Variants in ELF2 observed in about 807,000 individuals in gnomAD.
The protein encoded by ELF2 is ETS-related transcription factor Elf-2.
ELF2 carries 11 observed loss-of-function variants against 54.8 expected under a neutral mutation model. The ratio of observed to expected loss-of-function variants is 0.20; its 90% confidence interval spans 0.13 to 0.33. ELF2 has a LOEUF of 0.33. ELF2 is among the 10% of genes least tolerant of loss of function. The pLI, the probability that ELF2 is intolerant of heterozygous loss-of-function variation, is 1.00. For synonymous variants in ELF2, 203 were observed against 245.1 expected, an observed-to-expected ratio of 0.83 and a Z score of 1.61; for missense variants, 513 against 703.0, an observed-to-expected ratio of 0.73 and a Z score of 3.06.
intron 3 of ELF2, among the ~76,000 whole-genome samples, chr4:139,133,994 T>G (rs1737832160): frequency 6.6e-6 from 1 of 152,218 alleles, no homozygotes; most frequent in Non-Finnish European, 1.5e-5. Context: ...TTATTTTTCT[T>G]GCTGCCTTGT....
At chr4:139,173,711 T>C (rs1285079120) in intron 1 of ELF2, among the ~76,000 whole-genome samples, 1 of 143,618 alleles carries the variant, frequency 7.0e-6, no homozygotes, top group African/African-American at 2.6e-5. Flanking sequence ...TGAGCTGAGA[T>C]CGTGCCACTG....
chr4:139,151,391 G>A (rs2148885999), intron 1 of ELF2, among the ~76,000 whole-genome samples: 1 of 152,278 alleles, frequency 6.6e-6, no homozygotes, highest in African/African-American at 2.4e-5. Flanking sequence ...AAACAAGGCT[G>A]AAAATCAAGA....
At chr4:139,064,116 C>CT (rs1296323005) in intron 7 of ELF2, among the ~76,000 whole-genome samples, 2 of 152,104 alleles carry the variant, frequency 1.3e-5, no homozygotes, top group Non-Finnish European at 2.9e-5. Context: ...CATGACCAGC[C>CT]TGGCCAACAT....
intron 1 of ELF2, among the ~76,000 whole-genome samples, chr4:139,170,729 T>TATG (rs1553978365): frequency 4.1e-5 from 6 of 147,592 alleles, no homozygotes; most frequent in African/African-American, 7.4e-5. Context: ...TATATTATAT[T>TATG]ATATTATATT....
Position 139,060,602 on chromosome 4 carries a change from C to T in ELF2, c.879G>A (p.Pro293=), listed in dbSNP as rs774575768. The T allele has an allele frequency of 5.0e-6, 8 of 1,613,716 alleles. No individual in the cohort carries two copies. The highest frequency in any genetic ancestry group is 3.3e-5 in the Admixed American group (2 of 59,998). ...QRLVYQFKDM[P]KNIVVIDDDK... ...CATCATCTATGACCACTATGTTTTT[C>T]GGCATATCCTTGAACTGATATACAA... The change falls in exon 9 of 10, where the codon CCG becomes CCA. Residue 293 remains proline, a synonymous_variant. Coordinates refer to ENST00000686138, the MANE Select transcript of ELF2 (RefSeq NM_001331036.3).
intron 4 of ELF2, among the ~76,000 whole-genome samples, chr4:139,106,546 G>A (rs1488995987): frequency 1.3e-5 from 2 of 151,736 alleles, no homozygotes; most frequent in African/African-American, 4.8e-5. Context: ...ATAAATCACA[G>A]ATATTTTCAT....
chr4:139,170,728 T>TTA (rs1553978347), intron 1 of ELF2, among the ~76,000 whole-genome samples: 2 of 145,980 alleles, frequency 1.4e-5, no homozygotes, highest in Non-Finnish European at 3.0e-5. Context: ...TTATATTATA[T>TTA]TATATTATAT....
At chr4:139,114,561 T>TCCAGTCA (rs70940492) in intron 4 of ELF2, among the ~76,000 whole-genome samples, 1 of 108,636 alleles carries the variant, frequency 9.2e-6, no homozygotes, top group African/African-American at 3.6e-5. Flanking sequence ...GACTTCAGTC[T>TCCAGTCA]CACACACACA....
At chr4:139,156,502 T>A (rs533666922) in intron 1 of ELF2, among the ~76,000 whole-genome samples, 1 of 152,076 alleles carries the variant, frequency 6.6e-6, no homozygotes, top group African/African-American at 2.4e-5. Context: ...TATTCTTGTG[T>A]GGTATACACA....
intron 1 of ELF2, among the ~76,000 whole-genome samples, chr4:139,151,535 T>C (rs531176834): frequency 4.4e-4 from 67 of 152,264 alleles, no homozygotes; most frequent in African/African-American, 1.6e-3. Context: ...CTGATGCGAG[T>C]TCTTGTCAAG....
At chr4:139,112,325 T>A (rs919491774) in intron 4 of ELF2, among the ~76,000 whole-genome samples, 1 of 152,208 alleles carries the variant, frequency 6.6e-6, no homozygotes, top group Non-Finnish European at 1.5e-5. Context: ...TTTTAATTAA[T>A]CCTATCATAA....
rs113023095 is a variant in ELF2 at position 139,168,885 on chromosome 4, T to C, written c.-252+8082A>G. On this transcript the variant is annotated intron_variant, in intron 1 of 9. Coordinates refer to ENST00000686138, the MANE Select transcript of ELF2 (RefSeq NM_001331036.3). ...GCCTGGGTCCAAAGAAAGATTTTGA[T>C]CAAAAGGGGGAAAAGTGAAAGTTGT... 9.3e-3 allele frequency among the ~76,000 whole-genome samples: 1,413 copies of C among 151,836 alleles called. 21 individuals carry two copies. Among genetic ancestry groups the C allele is most frequent in the Non-Finnish European group, 0.011 (760 of 67,966 alleles).
At chr4:139,170,912 A>G (rs550369659) in intron 1 of ELF2, among the ~76,000 whole-genome samples, 2 of 151,858 alleles carry the variant, frequency 1.3e-5, no homozygotes, top group South Asian at 4.1e-4. Context: ...CCTCCGGCTA[A>G]TTTTTGTATT....
At chr4:139,074,104 G>C (rs1729925511) in intron 4 of ELF2, among the ~76,000 whole-genome samples, 1 of 152,106 alleles carries the variant, frequency 6.6e-6, no homozygotes, top group African/African-American at 2.4e-5. Context: ...CTCCAGCCTG[G>C]GCGACAGAGT....
intron 4 of ELF2, among the ~76,000 whole-genome samples, chr4:139,096,099 A>C (rs192220498): frequency 9.8e-4 from 150 of 152,310 alleles, no homozygotes; most frequent in Admixed American, 2.6e-3. Flanking sequence ...CAACAGAACA[A>C]GACTCTGTCA....
At chr4:139,132,878 T>A (rs988638961) in intron 3 of ELF2, among the ~76,000 whole-genome samples, 3 of 136,158 alleles carry the variant, frequency 2.2e-5, no homozygotes, top group Non-Finnish European at 3.1e-5. Context: ...ATATATAAAA[T>A]ATGTAATTTT....
chr4:139,091,620 A>AGTACACACAG (rs1175142323), intron 4 of ELF2, among the ~76,000 whole-genome samples: 1 of 151,798 alleles, frequency 6.6e-6, no homozygotes, highest in Admixed American at 6.6e-5. Context: ...AGTAGCTGGG[A>AGTACACACAG]CTCCAGGTGT....
intron 1 of ELF2, among the ~76,000 whole-genome samples, chr4:139,172,417 T>C (rs530055068): frequency 2.0e-5 from 3 of 152,314 alleles, no homozygotes; most frequent in East Asian, 3.9e-4. Context: ...GCCTCGGCCA[T>C]GAATCATCCC....
intron 3 of ELF2, among the ~76,000 whole-genome samples, chr4:139,128,352 G>A (rs1437433653): frequency 6.6e-6 from 1 of 151,872 alleles, no homozygotes; most frequent in Admixed American, 6.6e-5. Flanking sequence ...GAAGTTAAAA[G>A]GCAACAAGTC....
Sources: allele counts gnomAD v4.1 joint callset (sites outside exome capture counted in the v4.1 genomes callset), GRCh38; gene constraint gnomAD v4.1.1; transcripts MANE v1.5; gene names NCBI Gene and HGNC (gene_info 2026-07-23, HGNC 2026-07-21).